ZBTB25: variants seen among roughly 807,000 people sequenced by gnomAD.
ZBTB25 encodes zinc finger and BTB domain-containing protein 25.
A neutral mutation model predicts 34.2 loss-of-function variants in ZBTB25; 20 were observed. That is an observed-to-expected ratio of 0.58 (90% CI 0.41 to 0.85). The LOEUF (loss-of-function observed/expected upper bound fraction) is 0.85. Ranked by LOEUF, ZBTB25 falls within the 40% of genes least tolerant of loss-of-function variation. ZBTB25 has a pLI of 0.00. For missense variants in ZBTB25, 437 were observed against 521.8 expected (o/e 0.84, Z 1.58); for synonymous variants, 175 against 186.4 (o/e 0.94, Z 0.50).
In ZBTB25 at chr14:64,456,733, T is replaced by C. The variant is rs77864232; in HGVS notation, c.174-7095A>G. On this transcript the variant is annotated intron_variant, in intron 2 of 2. Transcript: ENST00000555220. ...TTACCTCTTACACAATATAAGAATA[T>C]AAACCAGTTGTCAGATCCCTATAAT... Among the ~76,000 whole-genome samples, 1,474 of 152,334 alleles carry C rather than the reference T, an allele frequency of 9.7e-3. 26 individuals carry two copies. The highest frequency in any genetic ancestry group is 0.032 in the African/African-American group (1,322 of 41,560).
intron 2 of ZBTB25, chr14:64,468,463 T>G: frequency 6.2e-7 from 1 of 1,614,058 alleles, no homozygotes; most frequent in East Asian, 2.2e-5. Context: ...AAGGTAGTCC[T>G]GGGGCTGAAA....
Position 64,481,583 on chromosome 14 carries a change from A to G in ZBTB25, c.*5340T>C, listed in dbSNP as rs1029665385. ...AATGACTTTATTTAGCACAAAATAG[A>G]GGAGTTGATGACAGTTAATGTCAAT... On this transcript the variant is annotated 3_prime_UTR_variant, in exon 3 of 3. Transcript: ENST00000608382. 6.6e-6 allele frequency: 1 copy of G among 152,250 alleles called. No individual in the cohort carries two copies. The highest frequency in any genetic ancestry group is 2.4e-5 in the African/African-American group (1 of 41,468). 9.4% of individuals were successfully genotyped at this position (152,250 alleles called of 1,614,324 possible). A position where few individuals can be genotyped will look rare whatever the true frequency, so the allele number is the denominator to read the frequency against.
At position 64,479,299 on chromosome 14, in the gene ZBTB25, T is replaced by C. The variant is rs1324621822; in HGVS notation, c.*7624A>G. On this transcript the variant is annotated 3_prime_UTR_variant, in exon 3 of 3. Transcript: ENST00000608382. ...TATTGCGGGAGGCTGTCCTCTGCACTGAGATGTTTAGCAGCATCCCTGGCC... is the reference window on the plus strand; with the variant it reads ...TATTGCGGGAGGCTGTCCTCTGCACCGAGATGTTTAGCAGCATCCCTGGCC... 1.3e-5 allele frequency: 2 copies of C among 152,220 alleles called. No individual in the cohort carries two copies. The highest frequency in any genetic ancestry group is 2.9e-5 in the Non-Finnish European group (2 of 68,054). 9.4% of individuals were successfully genotyped at this position (152,220 alleles called of 1,614,324 possible).
intron 2 of ZBTB25, among the ~76,000 whole-genome samples, chr14:64,456,258 A>G (rs780742093): frequency 6.6e-6 from 1 of 152,154 alleles, no homozygotes; most frequent in Non-Finnish European, 1.5e-5. Context: ...GAGGCTTTTA[A>G]CTTTAAGTTG....
At chr14:64,504,889 C>T (rs1566627382), upstream of ZBTB25, 3 of 396,682 alleles carry the variant, frequency 7.6e-6, no homozygotes, top group East Asian at 7.2e-5. Flanking sequence ...GCCTTTCCCG[C>T]GGCTGATTTG....
intron 2 of ZBTB25, chr14:64,463,227 AACACACACACACACACACACAC>A (rs60057039): frequency 3.5e-5 from 5 of 144,098 alleles, no homozygotes; most frequent in African/African-American, 1.3e-4. Context: ...GGATACATTA[AACACACACACACACACACACAC>A]ACACACACAC....
At chr14:64,470,919 T>C (rs1207054141) in intron 2 of ZBTB25, 1 of 166,728 alleles carries the variant, frequency 6.0e-6, no homozygotes, top group Admixed American at 6.6e-5. Context: ...GAGGGGAGAG[T>C]AGATTCAAAG....
chr14:64,496,041 C>A (rs1158341619), intron 1 of ZBTB25, among the ~76,000 whole-genome samples: 2 of 152,028 alleles, frequency 1.3e-5, no homozygotes, highest in Non-Finnish European at 2.9e-5. Context: ...ATTACCCCCT[C>A]CCCCAACATT....
chr14:64,473,900 G>T (rs964952904), downstream of ZBTB25: 2 of 166,540 alleles, frequency 1.2e-5, no homozygotes, highest in Admixed American at 6.6e-5. Flanking sequence ...ATATTTTATG[G>T]TACATTTTGA....
intron 1 of ZBTB25, among the ~76,000 whole-genome samples, chr14:64,500,331 G>A (rs889598788): frequency 7.2e-5 from 11 of 151,998 alleles, no homozygotes; most frequent in Admixed American, 1.3e-4. Flanking sequence ...TTTGCTTAAA[G>A]TGCTTGGAGA....
chr14:64,449,201 A>G lies in ZBTB25; in HGVS notation c.*350T>C, dbSNP rs778847483. 2.6e-4 allele frequency: 146 copies of G among 562,882 alleles called. 1 individual carries two copies. The highest frequency in any genetic ancestry group is 6.7e-5 in the Non-Finnish European group (21 of 312,528). 34.9% of individuals were successfully genotyped at this position (562,882 alleles called of 1,614,324 possible). A position where few individuals can be genotyped will look rare whatever the true frequency, so the allele number is the denominator to read the frequency against. On this transcript the variant is annotated 3_prime_UTR_variant, in exon 3 of 3. Coordinates refer to the ZBTB25 transcript ENST00000555220. ...ACCATCTGAGTCTCATAACGTCCCA[A>G]TGAAATAAGTGCTGTGATTATTCGC...
At chr14:64,455,063 C>T (rs2078447421) in intron 2 of ZBTB25, 2 of 626,058 alleles carry the variant, frequency 3.2e-6, no homozygotes, top group African/African-American at 1.8e-5. Context: ...TGCTGTGGAC[C>T]ATCTTGGTGT....
At chr14:64,470,031 G>C (rs749769329) in intron 2 of ZBTB25, 1 of 184,408 alleles carries the variant, frequency 5.4e-6, no homozygotes, top group African/African-American at 2.4e-5. Context: ...ATATAACAAA[G>C]TCTGGTTTCC....
chr14:64,461,880 AGCCACT>A (rs2078560629), intron 2 of ZBTB25: 1 of 152,230 alleles, frequency 6.6e-6, no homozygotes, highest in South Asian at 2.1e-4. Flanking sequence ...TACAGGCGTG[AGCCACT>A]GTGCCCGACC....
chr14:64,451,453 C>G (rs1334585031), intron 2 of ZBTB25, among the ~76,000 whole-genome samples: 1 of 152,238 alleles, frequency 6.6e-6, no homozygotes, highest in Non-Finnish European at 1.5e-5. Context: ...AATACACTTA[C>G]AGTTAATTAA....
upstream of ZBTB25, chr14:64,504,922 G>A: frequency 2.5e-6 from 1 of 395,896 alleles, no homozygotes; most frequent in Non-Finnish European, 4.5e-6. Context: ...TAAAATCTCC[G>A]CAGCTCTGGT....
chr14:64,473,601 T>G (rs1179848455), downstream of ZBTB25: 1 of 167,134 alleles, frequency 6.0e-6, no homozygotes, highest in African/African-American at 2.4e-5. Flanking sequence ...TTATTTTTTA[T>G]AGTTAAGAAT....
chr14:64,465,451 T>C (rs1251471065), intron 2 of ZBTB25: 3 of 151,636 alleles, frequency 2.0e-5, no homozygotes, highest in African/African-American at 4.8e-5. Context: ...CGCTGCCTGC[T>C]GTCTGTCCCC....
At chr14:64,496,163 T>C (rs998581319) in intron 1 of ZBTB25, among the ~76,000 whole-genome samples, 27 of 152,106 alleles carry the variant, frequency 1.8e-4, no homozygotes, top group African/African-American at 6.5e-4. Flanking sequence ...TCTAAAAAGC[T>C]GTGGTCTCAA....
Sources: gnomAD v4.1 joint callset for allele counts (sites outside exome capture counted in the v4.1 genomes callset) on GRCh38, gnomAD v4.1.1 for gene constraint, MANE v1.5 for transcripts, NCBI Gene and HGNC (gene_info 2026-07-23, HGNC 2026-07-21) for gene names.